The following TUFT1 variants were observed in gnomAD, a reference collection of about 807,000 sequenced individuals.
The protein encoded by TUFT1 is tuftelin 1, also known as tuftelin.
A neutral mutation model predicts 57.8 loss-of-function variants in TUFT1; 43 were observed. That is an observed-to-expected ratio of 0.74 (90% confidence interval 0.58 to 0.96). The LOEUF (loss-of-function observed/expected upper bound fraction) is 0.96, where lower values mean the gene tolerates loss of function less well. Among genes scored for constraint, TUFT1 ranks in the 40% least tolerant of loss-of-function variants. TUFT1 has a pLI of 0.00. For missense variants in TUFT1, 459 were observed against 489.0 expected (o/e 0.94, Z 0.58); for synonymous variants, 166 against 176.7 (o/e 0.94, Z 0.48).
At chr1:151,574,454 C>T (rs986539961) in intron 8 of TUFT1, 56 bp downstream of exon 8, 5 of 1,602,304 alleles carry the variant, frequency 3.1e-6, no homozygotes, top group African/African-American at 1.3e-5. Flanking sequence ...AAGGGGCCTG[C>T]AGGTGGATCG....
chr1:151,569,819 A>C (rs1228401760), intron 7 of TUFT1, 49 bp downstream of exon 7: 5 of 1,419,470 alleles, frequency 3.5e-6, no homozygotes, highest in Non-Finnish European at 5.0e-6. Flanking sequence ...TGGGCTACTG[A>C]ACACAGGTGC....
At chr1:151,566,307 T>TG (rs1666077687) in intron 6 of TUFT1, 79 bp downstream of exon 6, 1 of 1,127,852 alleles carries the variant, frequency 8.9e-7, no homozygotes, top group Non-Finnish European at 1.3e-6. Flanking sequence ...TGTTTATTGC[T>TG]TTCTCTCTCT....
intron 9 of TUFT1, among the ~76,000 whole-genome samples, chr1:151,578,153 T>C (rs1009820706): frequency 1.6e-4 from 25 of 152,142 alleles, no homozygotes; most frequent in African/African-American, 5.6e-4. Context: ...AAGAAAGTCT[T>C]TCCTGTGTTA....
chr1:151,552,259 G>C (rs1202362774), intron 1 of TUFT1, among the ~76,000 whole-genome samples: 1 of 152,064 alleles, frequency 6.6e-6, no homozygotes, highest in Admixed American at 6.6e-5. Flanking sequence ...TGAACATGTG[G>C]GTAATTTCTG....
Position 151,574,949 on chromosome 1 carries a change from G to A in TUFT1, c.762G>A (p.Glu254=). ...TACTGGCGAAAGTGAGGGAAGGGGA[G>A]GTGGCCCTAGAGGAACTTCGGAGCA... ...QALLAKVREG[E]VALEELRSNN... The change falls in exon 9 of 13, where the codon GAG becomes GAA. Residue 254 remains glutamate (E), a synonymous_variant. Coordinates refer to ENST00000368849, the MANE Select transcript of TUFT1 (RefSeq NM_020127.3). 1 of 1,578,168 alleles carries A rather than the reference G, an allele frequency of 6.3e-7. No homozygotes were observed. The highest frequency in any genetic ancestry group is 8.6e-7 in the Non-Finnish European group (1 of 1,161,572).
At chr1:151,562,778 C>T (rs1359051249) in intron 3 of TUFT1, 92 bp downstream of exon 3, 4 of 1,141,488 alleles carry the variant, frequency 3.5e-6, no homozygotes, top group Admixed American at 2.0e-5. Flanking sequence ...CCAAAGGGAG[C>T]TTGTGGTTTG....
chr1:151,544,619 G>A (rs905142046), intron 1 of TUFT1, among the ~76,000 whole-genome samples: 1 of 150,792 alleles, frequency 6.6e-6, no homozygotes, highest in Non-Finnish European at 1.5e-5. Flanking sequence ...TTTTATCAAA[G>A]GAGTTTCACT....
At chr1:151,540,726 T>G (rs1665135134) in intron 1 of TUFT1, 2 of 438,462 alleles carry the variant, frequency 4.6e-6, no homozygotes, top group African/African-American at 4.0e-5. Context: ...CTCAGGCGTC[T>G]TTTGGGCAGC....
chr1:151,554,180 A>C (rs536764922), intron 1 of TUFT1, among the ~76,000 whole-genome samples: 1 of 152,344 alleles, frequency 6.6e-6, no homozygotes, highest in Admixed American at 6.5e-5. Context: ...TCATATAAAG[A>C]AATTAATGTT....
chr1:151,566,683 T>C (rs888258426), intron 6 of TUFT1, among the ~76,000 whole-genome samples: 1 of 152,192 alleles, frequency 6.6e-6, no homozygotes, highest in African/African-American at 2.4e-5. Context: ...TATTTAAATA[T>C]CATGTATATG....
intron 11 of TUFT1, among the ~76,000 whole-genome samples, chr1:151,580,109 A>G (rs1296825402): frequency 6.6e-6 from 1 of 152,166 alleles, no homozygotes; most frequent in Non-Finnish European, 1.5e-5. Context: ...GGGCTAGATT[A>G]CGTAACGAGT....
intron 5 of TUFT1, chr1:151,565,923 T>G: frequency 2.4e-6 from 1 of 421,114 alleles, no homozygotes. Context: ...TTGTTTCTAT[T>G]TTCTCATGGA....
rs1322319754 is a variant in TUFT1 at position 151,582,718 on chromosome 1, C to T, written c.*1011C>T. 1.9e-5 allele frequency: 3 copies of T among 154,842 alleles called. No homozygotes were observed. Among genetic ancestry groups the T allele is most frequent in the Non-Finnish European group, 2.9e-5 (2 of 69,952 alleles). The allele number at this position is 154,842 out of a possible 1,614,324, so 9.6% of individuals were successfully genotyped here. A position where few individuals can be genotyped will look rare whatever the true frequency, so the allele number is the denominator to read the frequency against. ...CCTTTCCTCTGCCTGTTTCTTCTCT[C>T]TTTCTCCTTCAAACTTGCTCTGCAG... On this transcript the variant is annotated 3_prime_UTR_variant, in exon 13 of 13. Transcript: ENST00000368849.
At chr1:151,543,191 C>T (rs1665222450) in intron 1 of TUFT1, among the ~76,000 whole-genome samples, 2 of 152,114 alleles carry the variant, frequency 1.3e-5, no homozygotes, top group Admixed American at 1.3e-4. Context: ...TTCAGAACTG[C>T]AGACCATAAC....
At chr1:151,546,285 C>T (rs1665337158) in intron 1 of TUFT1, among the ~76,000 whole-genome samples, 1 of 152,082 alleles carries the variant, frequency 6.6e-6, no homozygotes, top group Admixed American at 6.6e-5. Context: ...CAAGTCTTTC[C>T]AGAGCCTCAC....
intron 1 of TUFT1, among the ~76,000 whole-genome samples, chr1:151,551,331 A>G (rs956401451): frequency 2.6e-5 from 4 of 152,128 alleles, no homozygotes; most frequent in Non-Finnish European, 4.4e-5. Context: ...AACTCATGCA[A>G]CAACATATTT....
intron 1 of TUFT1, among the ~76,000 whole-genome samples, chr1:151,553,789 G>A (rs1420637975): frequency 6.6e-6 from 1 of 152,070 alleles, no homozygotes; most frequent in Admixed American, 6.5e-5. Flanking sequence ...TCAGAGTGTC[G>A]GTTGTTCCAC....
Position 151,569,775 on chromosome 1 carries a change from G to T in TUFT1, c.594+5G>T, listed in dbSNP as rs769484496. 3.7e-6 allele frequency: 6 copies of T among 1,612,084 alleles called. No homozygotes were observed. Among genetic ancestry groups the T allele is most frequent in the Non-Finnish European group, 5.1e-6 (6 of 1,178,276 alleles). ...TCAGACTGTGTGGCTTTTGAGGTGA[G>T]ATTTGGGATTTGGGGAGAAGGTGCC... On this transcript the variant is annotated splice_donor_5th_base_variant and intron_variant, in intron 7 of 12. Coordinates refer to ENST00000368849, the MANE Select transcript of TUFT1 (RefSeq NM_020127.3).
chr1:151,581,111 A>AC (rs1666635424), intron 12 of TUFT1, 69 bp downstream of exon 12: 7 of 1,410,956 alleles, frequency 5.0e-6, no homozygotes, highest in Non-Finnish European at 7.0e-6. Context: ...GCTCTGTAGA[A>AC]CCTTTAGTGC....
Sources: gnomAD v4.1 joint callset for allele counts (sites outside exome capture counted in the v4.1 genomes callset) on GRCh38, gnomAD v4.1.1 for gene constraint, MANE v1.5 for transcripts, NCBI Gene and HGNC (gene_info 2026-07-23, HGNC 2026-07-21) for gene names.